The following FN1 variants were observed in gnomAD, a reference collection of about 807,000 sequenced individuals.
The protein encoded by FN1 is fibronectin.
FN1 carries 106 observed loss-of-function variants against 297.3 expected under a neutral mutation model. The observed-to-expected ratio is 0.36, with a 90% CI of 0.30 to 0.42. The LOEUF (loss-of-function observed/expected upper bound fraction) is 0.42, where lower values mean the gene tolerates loss of function less well. FN1 is among the 10% of genes least tolerant of loss of function. The pLI is 1.00. For missense variants in FN1, 2,690 were observed against 3,124.9 expected (o/e 0.86, Z 3.32); for synonymous variants, 1,149 against 1,152.6 (o/e 1.00, Z 0.06).
Position 215,407,311 on chromosome 2 carries a change from T to C in FN1, c.2529A>G (p.Ile843Met). 1 of 1,614,040 alleles carries C rather than the reference T, an allele frequency of 6.2e-7. No individual in the cohort carries two copies. The highest frequency in any genetic ancestry group is 8.5e-7 in the Non-Finnish European group (1 of 1,179,898). ...RPQAPITGYR[I>M]VYSPSVEGSS... ...TACCTTCTACTGATGGCGAATAGAC[T>C]ATTCTGTACCCTGCAGATTCATGAG... The change falls in exon 18 of 46, where the codon ATA (isoleucine) becomes ATG (methionine). Residue 843 changes from isoleucine (I) to methionine (M), a missense_variant. Around this residue, in one of 3 missense-constraint regions of FN1, gnomAD observed 71 missense variants for 121.7 expected, o/e 0.58. Coordinates refer to ENST00000354785, the MANE Select transcript of FN1 (RefSeq NM_212482.4).
At position 215,372,044 on chromosome 2, in the gene FN1, A is replaced by T. The variant is rs769649120; in HGVS notation, c.6579T>A (p.Gly2193=). 6 of 1,614,060 alleles carry T rather than the reference A, an allele frequency of 3.7e-6. No homozygotes were observed. In the African/African-American group the frequency reaches 6.7e-5, roughly 18 times the overall value. ...TAGAGGCATTTGGATTGAGTCCCGG[A>T]CCGTGTGGGTACAGGTGATAGTCTA... is the stretch of plus-strand genomic sequence containing the variant. ...EDVDYHLYPH[G]PGLNPNASTG... is the part of the protein sequence containing the mutation. Residue 2193 remains glycine (G), a synonymous_variant, in exon 40 of 46, where the codon GGT becomes GGA. Coordinates refer to ENST00000354785, the MANE Select transcript of FN1 (RefSeq NM_212482.4).
At chr2:215,393,679 A>G (rs1278485663) in intron 24 of FN1, 5 of 152,256 alleles carry the variant, frequency 3.3e-5, no homozygotes, top group Non-Finnish European at 5.9e-5. Flanking sequence ...TCTCCCATAC[A>G]AAACTCATGA....
intron 33 of FN1, chr2:215,380,580 A>G: frequency 1.7e-6 from 1 of 585,304 alleles, no homozygotes; most frequent in Non-Finnish European, 3.0e-6. Flanking sequence ...GTCTTGCTTT[A>G]TGGTCTTGTG....
chr2:215,398,296 AAC>A (rs1338481862), intron 21 of FN1, among the ~76,000 whole-genome samples: 1 of 152,226 alleles, frequency 6.6e-6, no homozygotes, highest in Admixed American at 6.5e-5. Flanking sequence ...GTATTGCAAA[AAC>A]ACACCTTTTG....
In FN1 at chr2:215,410,565, T is replaced by G. The variant is rs1013793013; in HGVS notation, c.1942-451A>C. On this transcript the variant is annotated intron_variant, in intron 13 of 45. Transcript: ENST00000354785. ...TCTTGTTGCCCAGGCTAGAGTGCAGTGGCTCAATCTCAGCTCACTGCAAAC... is the reference window on the plus strand; with the variant it reads ...TCTTGTTGCCCAGGCTAGAGTGCAGGGGCTCAATCTCAGCTCACTGCAAAC... Among the ~76,000 whole-genome samples the G allele has an allele frequency of 6.6e-5, 10 of 151,172 alleles. 1 individual carries two copies. Among genetic ancestry groups the G allele is most frequent in the African/African-American group, 2.4e-4 (10 of 41,072 alleles).
rs1294456534 is a variant in FN1, at chr2:215,435,879, G to GA, written c.-78dup. The GA allele has an allele frequency of 1.2e-5, 18 of 1,464,666 alleles. No individual in the cohort carries two copies. In the East Asian group the frequency reaches 4.1e-4, roughly 33 times the overall value. The allele number at this position is 1,464,666 out of a possible 1,614,324, so 90.7% of individuals were successfully genotyped here. A position where few individuals can be genotyped will look rare whatever the true frequency, so the allele number is the denominator to read the frequency against. ...GTTTGCTTCCCTTCGCAACCTGCGG[G>GA]AAAAATCCCTTCTAATGCCTCCCGG... On this transcript the variant is annotated 5_prime_UTR_variant, in exon 1 of 46. Coordinates refer to ENST00000354785, the MANE Select transcript of FN1 (RefSeq NM_212482.4).
chr2:215,427,879 A>T (rs1237477082), intron 6 of FN1, among the ~76,000 whole-genome samples: 1 of 151,974 alleles, frequency 6.6e-6, no homozygotes. Flanking sequence ...TGTGTGCGTG[A>T]TCTATCCATG....
At chr2:215,391,419 T>C (rs2059691173) in intron 26 of FN1, among the ~76,000 whole-genome samples, 1 of 152,212 alleles carries the variant, frequency 6.6e-6, no homozygotes, top group East Asian at 1.9e-4. Context: ...TTTTCCACTA[T>C]GATTTTTTTA....
chr2:215,424,422 C>T, intron 7 of FN1, 97 bp from the exon 8 acceptor site: 1 of 984,748 alleles, frequency 1.0e-6, no homozygotes, highest in Non-Finnish European at 1.6e-6. Context: ...TGAGCTTGTG[C>T]CCTCAAAGGA....
intron 6 of FN1, among the ~76,000 whole-genome samples, chr2:215,426,361 G>A (rs564931512): frequency 1.3e-5 from 2 of 151,860 alleles, no homozygotes; most frequent in South Asian, 4.2e-4. Flanking sequence ...TGTTAGCCAG[G>A]ATGGTCTCGA....
At chr2:215,414,027 A>C (rs1345106990) in intron 13 of FN1, among the ~76,000 whole-genome samples, 3 of 152,226 alleles carry the variant, frequency 2.0e-5, no homozygotes, top group African/African-American at 7.2e-5. Context: ...TGAAGAGTTT[A>C]AATTTAACCG....
rs1159383347 is a variant in FN1, at chr2:215,367,912, C to T, written c.6969G>A (p.Leu2323=). The change falls in exon 42 of 46, where the codon TTG becomes TTA. Residue 2323 remains leucine, a synonymous_variant. Transcript: ENST00000354785. The part of the protein sequence containing the change: ...ERMSESGFKL[L]CQCLGFGSGH... ...CACTTCCAAAGCCTAAGCACTGGCA[C>T]AACAGTTTAAAGCCTGATTCAGACA... 3.7e-6 allele frequency: 6 copies of T among 1,614,024 alleles called. No homozygotes were observed. The South Asian group carries it at 6.6e-5, about 18-fold the overall frequency.
At position 215,386,764 on chromosome 2, in the gene FN1, T is replaced by C; in HGVS notation, c.4537A>G (p.Thr1513Ala). 2.5e-6 allele frequency: 4 copies of C among 1,613,922 alleles called. No individual in the cohort carries two copies. The highest frequency in any genetic ancestry group is 3.3e-4 in the Middle Eastern group (2 of 6,062). The stretch of plus-strand genomic sequence containing the variant: ...GCAACGATGCTGACCACATACTCTG[T>C]GCCTGGAGTGAGGTTGGTGAGGGTG... ...SITLTNLTPG[T>A]EYVVSIVALN... Residue 1513 changes from threonine (T) to alanine (A), a missense_variant, in exon 28 of 46, where the codon ACA (threonine) becomes GCA (alanine). Physicochemically the swap from Thr to Ala is moderately conservative, Grantham distance 58 (BLOSUM62 0). This residue lies in a region of FN1 where 1,743 missense variants were observed against 1,945.2 expected (regional missense o/e 0.90). Transcript: ENST00000354785.
chr2:215,409,749 C>A lies in FN1; in HGVS notation c.2123-10G>T. On this transcript the variant is annotated splice_polypyrimidine_tract_variant and intron_variant, in intron 14 of 45. Transcript: ENST00000354785. ...CCTGTCACGGTGTTGCCTAGAGAGTCACAGAAAGGGGAAAGTCAGCCTTCA... is the reference window on the plus strand; with the variant it reads ...CCTGTCACGGTGTTGCCTAGAGAGTAACAGAAAGGGGAAAGTCAGCCTTCA... 6.2e-7 allele frequency: 1 copy of A among 1,613,968 alleles called. No individual in the cohort carries two copies.
At chr2:215,405,630 C>G (rs2061681751) in intron 19 of FN1, among the ~76,000 whole-genome samples, 1 of 152,128 alleles carries the variant, frequency 6.6e-6, no homozygotes, top group Non-Finnish European at 1.5e-5. Flanking sequence ...GTAGTCCCAG[C>G]TACTCGGGAG....
chr2:215,367,769 C>G, intron 42 of FN1, 94 bp downstream of exon 42: 1 of 1,239,084 alleles, frequency 8.1e-7, no homozygotes, highest in African/African-American at 1.5e-5. Context: ...TTGGAAGAAC[C>G]TGTGTCTTCC....
chr2:215,414,496 T>C (rs1344053513), intron 13 of FN1, among the ~76,000 whole-genome samples: 1 of 152,088 alleles, frequency 6.6e-6, no homozygotes, highest in Non-Finnish European at 1.5e-5. Context: ...GCAAGACATA[T>C]AAAAACCTTA....
intron 26 of FN1, among the ~76,000 whole-genome samples, chr2:215,391,325 T>C (rs1205407079): frequency 6.6e-6 from 1 of 152,252 alleles, no homozygotes; most frequent in Non-Finnish European, 1.5e-5. Context: ...TTTAGTCATA[T>C]AATTTCTCTT....
chr2:215,371,006 A>T (rs1274638014), intron 40 of FN1, among the ~76,000 whole-genome samples: 1 of 152,236 alleles, frequency 6.6e-6, no homozygotes, highest in East Asian at 1.9e-4. Flanking sequence ...TGGGTGGCTC[A>T]TGCTTGTAGT....
Sources: gnomAD v4.1 joint callset for allele counts (sites outside exome capture counted in the v4.1 genomes callset) on GRCh38, gnomAD v4.1.1 for gene constraint, gnomAD v4.1.1 regional missense constraint, MANE v1.5 for transcripts, NCBI Gene and HGNC (gene_info 2026-07-23, HGNC 2026-07-21) for gene names.